Variants in WDR72 observed in about 807,000 individuals in gnomAD.
WDR72 encodes the protein WD repeat domain 72, also known as WD repeat-containing protein 72.
WDR72 carries 120 observed loss-of-function variants against 124.2 expected under a neutral mutation model. That is an observed-to-expected ratio of 0.97 (90% CI 0.83 to 1.12). The LOEUF (loss-of-function observed/expected upper bound fraction) is 1.12, where lower values mean the gene tolerates loss of function less well. Ranked by LOEUF, WDR72 falls within the 50% of genes most tolerant of loss-of-function variation. The probability of loss-of-function intolerance (pLI) is 0.00; values close to 1 mark genes in which losing one functional copy is unlikely to be tolerated. For missense variants in WDR72, 1,387 were observed against 1,278.8 expected (o/e 1.08, Z -1.29); for synonymous variants, 452 against 441.7 (o/e 1.02, Z -0.29).
At chr15:53,596,569 T>C (rs2012783597) in intron 18 of WDR72, among the ~76,000 whole-genome samples, 1 of 152,184 alleles carries the variant, frequency 6.6e-6, no homozygotes, top group Non-Finnish European at 1.5e-5. Context: ...TTACCCATTA[T>C]GATTAGGGTA....
At chr15:53,653,706 G>A (rs1238105266) in intron 14 of WDR72, among the ~76,000 whole-genome samples, 1 of 152,106 alleles carries the variant, frequency 6.6e-6, no homozygotes, top group African/African-American at 2.4e-5. Context: ...TGTGGAAGCT[G>A]AAAATAATAT....
intron 13 of WDR72, among the ~76,000 whole-genome samples, chr15:53,693,467 C>A (rs143112988): frequency 2.7e-4 from 41 of 152,290 alleles, no homozygotes; most frequent in African/African-American, 9.4e-4. Context: ...CAAGATTAAA[C>A]ACTGAATATT....
chr15:53,656,991 A>G (rs1193956263), intron 14 of WDR72, among the ~76,000 whole-genome samples: 1 of 152,080 alleles, frequency 6.6e-6, no homozygotes, highest in Non-Finnish European at 1.5e-5. Flanking sequence ...CAGGCCTCGC[A>G]TGGTGGCTCA....
In WDR72 at chr15:53,565,356, T is replaced by A. The variant is rs558447265; in HGVS notation, c.3148+31723A>T. ...ACAGAAAAAAAGTGTGTAAAAAGAA[T>A]AAACAATGAAAAGTTTTCCTTCTGT... On this transcript the variant is annotated intron_variant, in intron 18 of 19. Coordinates refer to ENST00000360509, the MANE Select transcript of WDR72 (RefSeq NM_182758.4). 2.3e-3 allele frequency among the ~76,000 whole-genome samples: 343 copies of A among 151,990 alleles called. 1 individual carries two copies. The highest frequency in any genetic ancestry group is 4.0e-3 in the Non-Finnish European group (273 of 67,866).
At chr15:53,650,893 GTTTTT>G (rs71297666) in intron 14 of WDR72, among the ~76,000 whole-genome samples, 3 of 106,782 alleles carry the variant, frequency 2.8e-5, no homozygotes, top group African/African-American at 7.6e-5. Flanking sequence ...CTCTAATTCA[GTTTTT>G]TTTTTTTTTT....
Position 53,687,858 on chromosome 15 carries a change from T to C in WDR72, c.1765+11892A>G, listed in dbSNP as rs893936341. Among the ~76,000 whole-genome samples the C allele has an allele frequency of 2.2e-4, 33 of 149,358 alleles. No individual in the cohort carries two copies. In the East Asian group the frequency reaches 6.6e-3, roughly 30 times the overall value. On this transcript the variant is annotated intron_variant, in intron 13 of 19. Transcript: ENST00000360509. ...ATCCAGCAGCACATCAAAAAGCTTA[T>C]CCACCATGATCAAGTGGGCTTCATC...
intron 18 of WDR72, among the ~76,000 whole-genome samples, chr15:53,537,598 G>A (rs747082981): frequency 1.3e-5 from 2 of 152,090 alleles, no homozygotes; most frequent in Non-Finnish European, 2.9e-5. Flanking sequence ...CCTACCAGGG[G>A]CAAGAAACTG....
intron 3 of WDR72, among the ~76,000 whole-genome samples, chr15:53,718,304 C>T (rs761623053): frequency 7.3e-6 from 1 of 136,350 alleles, no homozygotes; most frequent in Non-Finnish European, 1.5e-5. Flanking sequence ...TATTTGAGAA[C>T]TTTTAAAAAA....
At position 53,517,540 on chromosome 15, in the gene WDR72, T is replaced by C. The variant is rs1047717934; in HGVS notation, c.*159A>G. 104 of 733,850 alleles carry C rather than the reference T, an allele frequency of 1.4e-4. No individual in the cohort carries two copies. The Admixed American group carries it at 2.1e-3, about 15-fold the overall frequency. The allele number at this position is 733,850 out of a possible 1,614,324, so 45.5% of individuals were successfully genotyped here. Reference sequence around the variant, plus strand: ...TGTATTGCATTGTAATCAGCATGTATTAAAATCACTTTAATACATGTTGGC... The same window carrying C: ...TGTATTGCATTGTAATCAGCATGTACTAAAATCACTTTAATACATGTTGGC... On this transcript the variant is annotated 3_prime_UTR_variant, in exon 20 of 20. Coordinates refer to ENST00000360509, the MANE Select transcript of WDR72 (RefSeq NM_182758.4).
At chr15:53,656,924 A>G (rs574077080) in intron 14 of WDR72, among the ~76,000 whole-genome samples, 1 of 152,252 alleles carries the variant, frequency 6.6e-6, no homozygotes, top group South Asian at 2.1e-4. Context: ...TTTGGGTACT[A>G]CAAGAAGCAG....
rs928041409 is a variant in WDR72 at position 53,711,445 on chromosome 15, C to T, written c.748G>A (p.Glu250Lys). ...AAGAACTGCCCATTTCTACTAACTTCAGTCAGCAGAAGGGAAAAATCACAA... is the reference window on the plus strand; with the variant it reads ...AAGAACTGCCCATTTCTACTAACTTTAGTCAGCAGAAGGGAAAAATCACAA... ...DYCDFSLLLTEVSRNGQFFAG... is the reference protein window; with the variant it reads ...DYCDFSLLLTKVSRNGQFFAG... Residue 250 changes from glutamate (E) to lysine (K), a missense_variant, in exon 8 of 20, where the codon GAA becomes AAA. Transcript: ENST00000360509. 1.2e-6 allele frequency: 2 copies of T among 1,613,946 alleles called. No individual in the cohort carries two copies. The highest frequency in any genetic ancestry group is 1.7e-5 in the Admixed American group (1 of 59,976).
chr15:53,732,964 G>C (rs189297288), intron 2 of WDR72, 33 bp downstream of exon 2: 1 of 1,613,628 alleles, frequency 6.2e-7, no homozygotes, highest in Admixed American at 1.7e-5. Context: ...TTTGTGAGTG[G>C]TGTCTGTTTC....
chr15:53,561,533 C>A (rs1239613503), intron 18 of WDR72, among the ~76,000 whole-genome samples: 8 of 151,754 alleles, frequency 5.3e-5, no homozygotes, highest in Admixed American at 5.3e-4. Context: ...TGATTAATTT[C>A]TCCCTAGAAA....
At chr15:53,671,330 T>A (rs1345067197) in intron 13 of WDR72, among the ~76,000 whole-genome samples, 2 of 152,184 alleles carry the variant, frequency 1.3e-5, no homozygotes, top group Admixed American at 6.5e-5. Context: ...AAATCTCACC[T>A]CCTCAGAGAA....
chr15:53,734,823 A>G (rs1228679192), intron 1 of WDR72, among the ~76,000 whole-genome samples: 1 of 147,810 alleles, frequency 6.8e-6, no homozygotes, highest in East Asian at 1.9e-4. Flanking sequence ...AAAAAAAATA[A>G]TAATATTATA....
intron 18 of WDR72, among the ~76,000 whole-genome samples, chr15:53,541,637 G>A (rs1469117768): frequency 6.6e-6 from 1 of 151,866 alleles, no homozygotes; most frequent in East Asian, 1.9e-4. Flanking sequence ...AACAAAGCTG[G>A]ATGGAGAATG....
At chr15:53,598,222 GCTACATCCCA>G (rs2012870155) in intron 17 of WDR72, among the ~76,000 whole-genome samples, 6 of 77,828 alleles carry the variant, frequency 7.7e-5, no homozygotes, top group Non-Finnish European at 2.4e-4. Context: ...CCTTCATATA[GCTACATCCCA>G]GTGCCTTTCA....
intron 14 of WDR72, among the ~76,000 whole-genome samples, chr15:53,647,039 C>A (rs1240166453): frequency 6.6e-6 from 1 of 151,948 alleles, no homozygotes; most frequent in Non-Finnish European, 1.5e-5. Flanking sequence ...GGCAGAGACT[C>A]CAGTAGAAAG....
intron 18 of WDR72, among the ~76,000 whole-genome samples, chr15:53,539,219 C>G (rs1162976278): frequency 6.6e-6 from 1 of 151,994 alleles, no homozygotes; most frequent in Non-Finnish European, 1.5e-5. Context: ...TTTAAATATG[C>G]CTTTCCTGGG....
Sources: gnomAD v4.1 joint callset for allele counts (sites outside exome capture counted in the v4.1 genomes callset) on GRCh38, gnomAD v4.1.1 for gene constraint, MANE v1.5 for transcripts, NCBI Gene and HGNC (gene_info 2026-07-23, HGNC 2026-07-21) for gene names.